CSMD3: variants seen among roughly 807,000 people sequenced by gnomAD.
CSMD3 encodes the protein CUB and sushi domain-containing protein 3.
CSMD3 carries 177 observed loss-of-function variants against 435.2 expected under a neutral mutation model. That is an observed-to-expected ratio of 0.41 (90% CI 0.36 to 0.46). The LOEUF (loss-of-function observed/expected upper bound fraction) is 0.46, where lower values mean the gene tolerates loss of function less well. Ranked by LOEUF, CSMD3 falls within the 20% of genes least tolerant of loss-of-function variation. The probability of loss-of-function intolerance (pLI) is 0.34; values close to 1 mark genes in which losing one functional copy is unlikely to be tolerated. For missense variants in CSMD3, 4,265 were observed against 4,504.6 expected (o/e 0.95, Z 1.52); for synonymous variants, 1,656 against 1,520.5 (o/e 1.09, Z -2.07).
At chr8:112,722,599 G>A (rs2076882957) in intron 13 of CSMD3, among the ~76,000 whole-genome samples, 1 of 152,090 alleles carries the variant, frequency 6.6e-6, no homozygotes, top group Admixed American at 6.6e-5. Context: ...GTGTAGTGTA[G>A]GAGGGAGAAA....
At chr8:113,144,397 C>A (rs2131744839) in intron 4 of CSMD3, among the ~76,000 whole-genome samples, 1 of 151,452 alleles carries the variant, frequency 6.6e-6, no homozygotes, top group East Asian at 2.0e-4. Context: ...AGCAGACAGG[C>A]ATTCTAGTTA....
chr8:112,650,186 C>G lies in CSMD3; in HGVS notation c.3168G>C (p.Trp1056Cys). ...EPLLCEKNHW[W>C]SHPLPTCDAL... Reference sequence around the variant, plus strand: ...CATCACAGGTTGGAAGTGGATGACTCCACCAGTGGTTTTTTTCGCATAGAA... The same window carrying G: ...CATCACAGGTTGGAAGTGGATGACTGCACCAGTGGTTTTTTTCGCATAGAA... The change falls in exon 19 of 71, where the codon TGG becomes TGC. Residue 1056 changes from tryptophan (W) to cysteine (C), a missense_variant. Physicochemically the swap from Trp to Cys is radical, Grantham distance 215. Around this residue, in one of 3 missense-constraint regions of CSMD3, gnomAD observed 3,255 missense variants for 3,380.2 expected, o/e 0.96. Coordinates refer to ENST00000297405, the MANE Select transcript of CSMD3 (RefSeq NM_198123.2). 1 of 1,613,638 alleles carries G rather than the reference C, an allele frequency of 6.2e-7. No individual in the cohort carries two copies. Among genetic ancestry groups the G allele is most frequent in the South Asian group, 1.1e-5 (1 of 91,058 alleles).
At chr8:112,638,945 G>T in intron 20 of CSMD3, 34 bp from the exon 21 acceptor site, 2 of 1,397,070 alleles carry the variant, frequency 1.4e-6, no homozygotes, top group Non-Finnish European at 2.0e-6. Flanking sequence ...GAATTTACAG[G>T]TAGATCAGTA....
At chr8:113,240,291 T>G (rs2093199526) in intron 3 of CSMD3, among the ~76,000 whole-genome samples, 1 of 152,166 alleles carries the variant, frequency 6.6e-6, no homozygotes, top group Non-Finnish European at 1.5e-5. Flanking sequence ...ATGTCTTTGC[T>G]GTTGTGAACA....
At chr8:112,950,146 G>GA (rs945046697) in intron 8 of CSMD3, among the ~76,000 whole-genome samples, 1 of 151,658 alleles carries the variant, frequency 6.6e-6, no homozygotes, top group African/African-American at 2.4e-5. Flanking sequence ...TAAAAATAGA[G>GA]AAAAAACATT....
chr8:112,599,805 T>C (rs1346251279), intron 22 of CSMD3, among the ~76,000 whole-genome samples: 4 of 136,516 alleles, frequency 2.9e-5, no homozygotes, highest in Non-Finnish European at 6.1e-5. Context: ...CACTCATAGG[T>C]GGGAATTGAA....
At chr8:112,905,546 A>C (rs1051660878) in intron 10 of CSMD3, among the ~76,000 whole-genome samples, 1 of 151,378 alleles carries the variant, frequency 6.6e-6, no homozygotes, top group Non-Finnish European at 1.5e-5. Flanking sequence ...ACACAAATTT[A>C]TTTTACAATT....
At chr8:112,753,232 T>A (rs1028745049) in intron 13 of CSMD3, among the ~76,000 whole-genome samples, 1 of 152,106 alleles carries the variant, frequency 6.6e-6, no homozygotes, top group South Asian at 2.1e-4. Flanking sequence ...TATAAAAAAA[T>A]AAAAATGGAA....
chr8:112,308,197 G>A (rs1320947784), intron 50 of CSMD3, among the ~76,000 whole-genome samples: 1 of 152,068 alleles, frequency 6.6e-6, no homozygotes, highest in Non-Finnish European at 1.5e-5. Context: ...ATGGTTCCCT[G>A]ATGTCTGATA....
At chr8:112,735,572 C>G (rs2077169024) in intron 13 of CSMD3, among the ~76,000 whole-genome samples, 1 of 152,108 alleles carries the variant, frequency 6.6e-6, no homozygotes, top group Admixed American at 6.6e-5. Flanking sequence ...AGACACAATT[C>G]TTCCTCACAA....
chr8:112,777,561 T>C (rs753509102), intron 13 of CSMD3, among the ~76,000 whole-genome samples: 33 of 151,840 alleles, frequency 2.2e-4, no homozygotes, highest in Non-Finnish European at 4.4e-4. Flanking sequence ...GTTTCTATTG[T>C]TCCTCAAAGA....
At chr8:113,134,356 A>G (rs116974674) in intron 4 of CSMD3, among the ~76,000 whole-genome samples, 1 of 152,154 alleles carries the variant, frequency 6.6e-6, no homozygotes, top group Non-Finnish European at 1.5e-5. Flanking sequence ...TTAGTGCTCT[A>G]TGATGACCCA....
chr8:112,809,221 C>T (rs1206859339), intron 12 of CSMD3, among the ~76,000 whole-genome samples: 1 of 152,010 alleles, frequency 6.6e-6, no homozygotes, highest in Non-Finnish European at 1.5e-5. Context: ...ACCATAAGGA[C>T]CTGGAAGGAC....
intron 4 of CSMD3, among the ~76,000 whole-genome samples, chr8:113,142,402 G>T (rs541511458): frequency 6.6e-6 from 1 of 151,280 alleles, no homozygotes; most frequent in East Asian, 1.9e-4. Flanking sequence ...CAATTGTGTG[G>T]TATTGTCAGA....
At chr8:112,397,199 A>C (rs1347553526) in intron 35 of CSMD3, among the ~76,000 whole-genome samples, 5 of 152,192 alleles carry the variant, frequency 3.3e-5, no homozygotes, top group African/African-American at 1.2e-4. Context: ...ATTTTCATTT[A>C]TGTAAAGATT....
At chr8:112,437,048 T>A (rs570105307) in intron 32 of CSMD3, among the ~76,000 whole-genome samples, 1 of 152,150 alleles carries the variant, frequency 6.6e-6, no homozygotes, top group African/African-American at 2.4e-5. Flanking sequence ...AGAGACTGAT[T>A]AAGTTATGTT....
chr8:113,254,030 A>G (rs144657538), intron 3 of CSMD3, among the ~76,000 whole-genome samples: 2 of 152,172 alleles, frequency 1.3e-5, no homozygotes, highest in Non-Finnish European at 2.9e-5. Context: ...TTTCCATGTT[A>G]TTTACCAATC....
chr8:112,478,960 G>C (rs1819356936), intron 31 of CSMD3, among the ~76,000 whole-genome samples: 1 of 152,164 alleles, frequency 6.6e-6, no homozygotes, highest in African/African-American at 2.4e-5. Context: ...CTGCCCGACT[G>C]TGAGATTGGG....
At chr8:112,674,766 C>G (rs2075735648) in intron 16 of CSMD3, among the ~76,000 whole-genome samples, 1 of 152,134 alleles carries the variant, frequency 6.6e-6, no homozygotes, top group Non-Finnish European at 1.5e-5. Flanking sequence ...TGGGAATTCT[C>G]TTTCACACAA....
Sources: gnomAD v4.1 joint callset for allele counts (sites outside exome capture counted in the v4.1 genomes callset) on GRCh38, gnomAD v4.1.1 for gene constraint, gnomAD v4.1.1 regional missense constraint, MANE v1.5 for transcripts, NCBI Gene and HGNC (gene_info 2026-07-23, HGNC 2026-07-21) for gene names.